The following FRMD4A variants were observed in gnomAD, a reference collection of about 807,000 sequenced individuals.
The protein encoded by FRMD4A is FERM domain-containing protein 4A.
Under a neutral mutation model 129.1 loss-of-function variants are expected in FRMD4A, and 29 were observed. That is an observed-to-expected ratio of 0.22 (90% CI 0.17 to 0.31). The LOEUF (loss-of-function observed/expected upper bound fraction) is 0.31, where lower values mean the gene tolerates loss of function less well. FRMD4A is among the 10% of genes least tolerant of loss of function. The pLI is 1.00. For missense variants in FRMD4A, 1,272 were observed against 1,375.8 expected (o/e 0.92, Z 1.19); for synonymous variants, 634 against 571.6 (o/e 1.11, Z -1.56).
intron 2 of FRMD4A, among the ~76,000 whole-genome samples, chr10:14,018,291 CAAAA>C: frequency 8.2e-6 from 1 of 121,986 alleles, no homozygotes; most frequent in African/African-American, 3.0e-5. Flanking sequence ...ACTAAAAATA[CAAAA>C]AAAAAAAAAA....
At chr10:14,115,062 C>A (rs916768551) in intron 2 of FRMD4A, among the ~76,000 whole-genome samples, 1 of 152,168 alleles carries the variant, frequency 6.6e-6, no homozygotes, top group Non-Finnish European at 1.5e-5. Context: ...ACCAAGCAAG[C>A]CTCTTAGACC....
chr10:14,060,970 T>G (rs530928441), intron 2 of FRMD4A, among the ~76,000 whole-genome samples: 14 of 152,230 alleles, frequency 9.2e-5, no homozygotes, highest in Admixed American at 8.5e-4. Context: ...TTGATTTTTA[T>G]GTATAAGATT....
chr10:13,870,625 C>T (rs2131082363), intron 2 of FRMD4A, among the ~76,000 whole-genome samples: 1 of 152,352 alleles, frequency 6.6e-6, no homozygotes, highest in South Asian at 2.1e-4. Flanking sequence ...ACCTTCTCCT[C>T]CTGAGAGGCA....
intron 2 of FRMD4A, among the ~76,000 whole-genome samples, chr10:14,109,104 A>G (rs1837737943): frequency 6.6e-6 from 1 of 152,132 alleles, no homozygotes; most frequent in African/African-American, 2.4e-5. Flanking sequence ...TGAAGAGCCC[A>G]AGAGATTCCA....
chr10:13,915,801 C>T (rs959925067), intron 2 of FRMD4A, among the ~76,000 whole-genome samples: 1 of 152,058 alleles, frequency 6.6e-6, no homozygotes, highest in Admixed American at 6.5e-5. Flanking sequence ...AGTGTTCCTG[C>T]AGAGGCTGGG....
intron 15 of FRMD4A, among the ~76,000 whole-genome samples, chr10:13,691,824 G>C (rs2085724628): frequency 6.6e-6 from 1 of 152,080 alleles, no homozygotes; most frequent in South Asian, 2.1e-4. Context: ...CGCGATTGTA[G>C]GTTGTGTTTA....
At chr10:14,125,670 A>G (rs1838791338) in intron 2 of FRMD4A, among the ~76,000 whole-genome samples, 1 of 152,136 alleles carries the variant, frequency 6.6e-6, no homozygotes, top group Non-Finnish European at 1.5e-5. Flanking sequence ...CTGACTATGG[A>G]AAAAACAATA....
At chr10:13,966,169 G>A (rs984859848) in intron 2 of FRMD4A, among the ~76,000 whole-genome samples, 31 of 152,162 alleles carry the variant, frequency 2.0e-4, no homozygotes, top group African/African-American at 5.8e-4. Context: ...ACAGGTGCCC[G>A]CCATCGTACC....
intron 2 of FRMD4A, among the ~76,000 whole-genome samples, chr10:13,944,380 C>T (rs1209315591): frequency 6.6e-6 from 1 of 152,062 alleles, no homozygotes; most frequent in Non-Finnish European, 1.5e-5. Context: ...TGTCTCCCAT[C>T]ACCCTCAGGT....
At position 14,231,411 on chromosome 10, in the gene FRMD4A, C is replaced by A. The variant is rs570245617; in HGVS notation, c.45+98647G>T. Among the ~76,000 whole-genome samples, 3 of 151,150 alleles carry A rather than the reference C, an allele frequency of 2.0e-5. No individual in the cohort carries two copies. In the East Asian group the frequency reaches 5.9e-4, roughly 30 times the overall value. ...AGGCTGGAGTGCAGTGGCATGACCT[C>A]GGCTCACTGAAAGCTCCACCTCCCG... On this transcript the variant is annotated intron_variant, in intron 2 of 24. Coordinates refer to ENST00000357447, the MANE Select transcript of FRMD4A (RefSeq NM_018027.5).
chr10:13,671,763 T>C (rs904517884), intron 16 of FRMD4A, among the ~76,000 whole-genome samples: 3 of 152,228 alleles, frequency 2.0e-5, no homozygotes, highest in Admixed American at 2.0e-4. Context: ...AAGAAGTCAC[T>C]TCCAGAGACC....
At chr10:14,089,241 T>C (rs1664769773) in intron 2 of FRMD4A, among the ~76,000 whole-genome samples, 1 of 152,204 alleles carries the variant, frequency 6.6e-6, no homozygotes, top group African/African-American at 2.4e-5. Flanking sequence ...GCTGGTTCTC[T>C]CTGGAGGTTG....
At chr10:14,306,375 A>G (rs1846352526) in intron 2 of FRMD4A, among the ~76,000 whole-genome samples, 1 of 152,220 alleles carries the variant, frequency 6.6e-6, no homozygotes, top group Non-Finnish European at 1.5e-5. Context: ...TGGGAAAGTA[A>G]AAGTTTACCC....
intron 11 of FRMD4A, among the ~76,000 whole-genome samples, chr10:13,738,155 T>C (rs2090757797): frequency 6.6e-6 from 1 of 152,228 alleles, no homozygotes; most frequent in African/African-American, 2.4e-5. Flanking sequence ...GGGGCCTGGC[T>C]CTGCTCTTAA....
At chr10:13,661,471 C>G (rs1373984486) in intron 19 of FRMD4A, among the ~76,000 whole-genome samples, 1 of 152,190 alleles carries the variant, frequency 6.6e-6, no homozygotes, top group Admixed American at 6.5e-5. Flanking sequence ...GGAGTAAGGG[C>G]AGAGCTCTGG....
intron 2 of FRMD4A, among the ~76,000 whole-genome samples, chr10:13,993,567 G>A (rs1261931633): frequency 2.0e-5 from 3 of 152,140 alleles, no homozygotes; most frequent in Admixed American, 2.0e-4. Flanking sequence ...TGTTCTATTG[G>A]CTGAAATTGC....
chr10:14,168,304 G>A (rs1234548947), intron 2 of FRMD4A, among the ~76,000 whole-genome samples: 1 of 152,166 alleles, frequency 6.6e-6, no homozygotes, highest in Non-Finnish European at 1.5e-5. Flanking sequence ...GATCATCTGT[G>A]TCCAACCTCG....
At chr10:13,969,586 G>A (rs565885472) in intron 2 of FRMD4A, among the ~76,000 whole-genome samples, 3 of 152,286 alleles carry the variant, frequency 2.0e-5, no homozygotes, top group East Asian at 3.9e-4. Context: ...TGTGGTGGCC[G>A]ACACCTGTTA....
At chr10:14,000,668 A>AAAAAAAAAAG (rs1555009702) in intron 2 of FRMD4A, among the ~76,000 whole-genome samples, 4 of 74,634 alleles carry the variant, frequency 5.4e-5, no homozygotes, top group Non-Finnish European at 1.2e-4. Context: ...AAAAAAAAAA[A>AAAAAAAAAAG]GAGAAGAAAG....
Sources: gnomAD v4.1 joint callset for allele counts (sites outside exome capture counted in the v4.1 genomes callset) on GRCh38, gnomAD v4.1.1 for gene constraint, MANE v1.5 for transcripts, NCBI Gene and HGNC (gene_info 2026-07-23, HGNC 2026-07-21) for gene names.